GRIK4: variants seen among roughly 807,000 people sequenced by gnomAD.
GRIK4 encodes glutamate ionotropic receptor kainate type subunit 4.
In GRIK4, 40 loss-of-function variants were observed where a neutral mutation model predicts 104.9. The ratio of observed to expected loss-of-function variants is 0.38; its 90% CI spans 0.30 to 0.50. GRIK4 has a LOEUF of 0.50. GRIK4 is among the 20% of genes least tolerant of loss of function. The pLI is 0.93. For synonymous variants in GRIK4, 485 were observed against 524.9 expected, an observed-to-expected ratio of 0.92 and a Z score of 1.04; for missense variants, 1,047 against 1,308.1, an observed-to-expected ratio of 0.80 and a Z score of 3.08.
At chr11:120,898,428 C>G (rs955652773) in intron 11 of GRIK4, 104 bp from the exon 12 acceptor site, 2 of 701,640 alleles carry the variant, frequency 2.9e-6, no homozygotes, top group Non-Finnish European at 5.2e-6. Flanking sequence ...CCACACCCCT[C>G]CCTGCTCACA....
intron 1 of GRIK4, among the ~76,000 whole-genome samples, chr11:120,534,569 A>G (rs1324306147): frequency 1.3e-5 from 2 of 152,192 alleles, no homozygotes; most frequent in Admixed American, 1.3e-4. Context: ...TAGCACAGCC[A>G]GGAGAGAGGT....
At chr11:120,769,830 C>T (rs762820747) in intron 3 of GRIK4, among the ~76,000 whole-genome samples, 12 of 152,192 alleles carry the variant, frequency 7.9e-5, no homozygotes, top group Non-Finnish European at 1.6e-4. Flanking sequence ...TTAGCTGGGA[C>T]TGTGGACAGT....
chr11:120,631,536 A>G (rs983338900), intron 1 of GRIK4, among the ~76,000 whole-genome samples: 4 of 152,162 alleles, frequency 2.6e-5, no homozygotes, highest in African/African-American at 9.7e-5. Flanking sequence ...TGGTAAACTC[A>G]GCAGCGTCCC....
chr11:120,668,118 G>GATAA (rs1160230693), intron 3 of GRIK4, among the ~76,000 whole-genome samples: 1 of 150,080 alleles, frequency 6.7e-6, no homozygotes, highest in African/African-American at 2.4e-5. Flanking sequence ...TAGATAGATA[G>GATAA]ATAGATAGAT....
rs974741611 is a variant in GRIK4 at position 120,605,392 on chromosome 11, C to T, written c.-158-48293C>T. On this transcript the variant is annotated intron_variant, in intron 1 of 20. Coordinates refer to ENST00000527524, the MANE Select transcript of GRIK4 (RefSeq NM_014619.5). Reference sequence around the variant, plus strand: ...ACAGAATAGAATTAGGCACAGGGGACAAAATCTCTCTGAGCCTCATTTTCC... The same window carrying T: ...ACAGAATAGAATTAGGCACAGGGGATAAAATCTCTCTGAGCCTCATTTTCC... 2.6e-5 allele frequency among the ~76,000 whole-genome samples: 4 copies of T among 152,206 alleles called. No homozygotes were observed. In the East Asian group the frequency reaches 7.7e-4, roughly 29 times the overall value.
At chr11:120,806,071 G>A (rs1461411628) in intron 4 of GRIK4, among the ~76,000 whole-genome samples, 1 of 152,174 alleles carries the variant, frequency 6.6e-6, no homozygotes, top group African/African-American at 2.4e-5. Context: ...TGCCTCATAG[G>A]GTCACTGGGA....
intron 13 of GRIK4, among the ~76,000 whole-genome samples, chr11:120,934,129 C>T (rs879917612): frequency 4.8e-5 from 7 of 144,730 alleles, no homozygotes; most frequent in East Asian, 4.3e-4. Flanking sequence ...GGCGTGAACC[C>T]GGGAGGCGGA....
intron 3 of GRIK4, among the ~76,000 whole-genome samples, chr11:120,769,339 T>A (rs1305195962): frequency 1.3e-5 from 2 of 152,210 alleles, no homozygotes; most frequent in Non-Finnish European, 2.9e-5. Context: ...ATTGTTCAAA[T>A]TGTTCATAAT....
At chr11:120,983,622 G>A (rs1944689199) in intron 20 of GRIK4, among the ~76,000 whole-genome samples, 1 of 152,090 alleles carries the variant, frequency 6.6e-6, no homozygotes, top group Non-Finnish European at 1.5e-5. Context: ...CTTAAAAGGT[G>A]GTGGTCTTAT....
chr11:120,912,552 G>A (rs768836794), intron 13 of GRIK4, among the ~76,000 whole-genome samples: 3 of 152,184 alleles, frequency 2.0e-5, no homozygotes, highest in South Asian at 2.1e-4. Flanking sequence ...GGGGGTCACC[G>A]GCAAATGCAG....
rs577479488 is a variant in GRIK4, at chr11:120,952,670, G to A, written c.1591-185G>A. On this transcript the variant is annotated intron_variant, in intron 14 of 20. Transcript: ENST00000527524. This position sits in a 1 kb window ranked among gnomAD's most constrained non-coding sequence, Gnocchi z 5.2. ...CACCTGCTGAGGTCAGGGCTGGGTC[G>A]TGTCATTTGCGCAGCCCGGCAACAC... 2.6e-5 allele frequency among the ~76,000 whole-genome samples: 4 copies of A among 152,110 alleles called. No individual in the cohort carries two copies. Among genetic ancestry groups the A allele is most frequent in the African/African-American group, 7.2e-5 (3 of 41,408 alleles).
At chr11:120,935,041 C>T (rs938629338) in intron 13 of GRIK4, among the ~76,000 whole-genome samples, 11 of 152,234 alleles carry the variant, frequency 7.2e-5, no homozygotes, top group Non-Finnish European at 1.5e-4. Context: ...GTTTCCTCCT[C>T]AGAGCGTTCA....
At chr11:120,936,003 C>T (rs368313785) in intron 13 of GRIK4, 1 of 210,416 alleles carries the variant, frequency 4.8e-6, no homozygotes, top group African/African-American at 2.3e-5. Flanking sequence ...GCTTGATATA[C>T]AAGAAAAAAT....
At chr11:120,595,764 C>T (rs1312274316) in intron 1 of GRIK4, among the ~76,000 whole-genome samples, 1 of 152,258 alleles carries the variant, frequency 6.6e-6, no homozygotes, top group African/African-American at 2.4e-5. Context: ...CATCCCTCTG[C>T]TGACCATGTG....
intron 1 of GRIK4, among the ~76,000 whole-genome samples, chr11:120,572,287 C>T (rs368305920): frequency 3.3e-5 from 5 of 152,136 alleles, no homozygotes; most frequent in East Asian, 1.9e-4. Flanking sequence ...CGTTCAACAC[C>T]GGAATTTTGA....
chr11:120,657,208 C>T (rs1456358113), intron 2 of GRIK4, among the ~76,000 whole-genome samples: 3 of 152,138 alleles, frequency 2.0e-5, no homozygotes, highest in Admixed American at 1.3e-4. Context: ...GGATATAGTC[C>T]AAACAAGATT....
chr11:120,588,426 A>G (rs149258131), intron 1 of GRIK4, among the ~76,000 whole-genome samples: 139 of 152,286 alleles, frequency 9.1e-4, no homozygotes, highest in African/African-American at 3.2e-3. Flanking sequence ...TGGGCCCTCT[A>G]TGGTCTCAAT....
chr11:120,572,312 A>G (rs1948411487), intron 1 of GRIK4, among the ~76,000 whole-genome samples: 1 of 152,158 alleles, frequency 6.6e-6, no homozygotes, highest in Non-Finnish European at 1.5e-5. Flanking sequence ...TGACACAAAC[A>G]TTCAGCCCAT....
chr11:120,804,736 C>T (rs180892698), intron 4 of GRIK4, among the ~76,000 whole-genome samples: 1 of 152,322 alleles, frequency 6.6e-6, no homozygotes, highest in Non-Finnish European at 1.5e-5. Flanking sequence ...GGGGCAGCTT[C>T]CCCCAGTGCC....
Sources: gnomAD v4.1 joint callset for allele counts (sites outside exome capture counted in the v4.1 genomes callset) on GRCh38, gnomAD v4.1.1 for gene constraint, Gnocchi (gnomAD v3.1) non-coding constraint, MANE v1.5 for transcripts, NCBI Gene and HGNC (gene_info 2026-07-23, HGNC 2026-07-21) for gene names.